Variants in SGCZ observed in about 807,000 individuals in gnomAD.
SGCZ encodes zeta-sarcoglycan.
Under a neutral mutation model 41.3 loss-of-function variants are expected in SGCZ, and 40 were observed. The observed-to-expected ratio is 0.97, with a 90% CI of 0.75 to 1.26. The LOEUF (loss-of-function observed/expected upper bound fraction) is 1.26. Ranked by LOEUF, SGCZ falls within the 50% of genes most tolerant of loss-of-function variation. The pLI is 0.00. For missense variants in SGCZ, 552 were observed against 369.8 expected (o/e 1.49, Z -4.04); for synonymous variants, 206 against 137.5 (o/e 1.50, Z -3.49).
At chr8:14,447,806 G>A (rs1339345789) in intron 2 of SGCZ, among the ~76,000 whole-genome samples, 1 of 152,126 alleles carries the variant, frequency 6.6e-6, no homozygotes. Context: ...AAATGACTTT[G>A]CATTGTTTGA....
chr8:14,981,320 C>A (rs781638515), intron 1 of SGCZ, among the ~76,000 whole-genome samples: 8 of 152,200 alleles, frequency 5.3e-5, no homozygotes, highest in African/African-American at 1.7e-4. Context: ...AAACTGAATA[C>A]GTTGTCTTTT....
intron 4 of SGCZ, among the ~76,000 whole-genome samples, chr8:14,217,787 G>C (rs1014092489): frequency 2.0e-5 from 3 of 151,552 alleles, no homozygotes; most frequent in Non-Finnish European, 4.4e-5. Flanking sequence ...ACACCACCAC[G>C]CCCAGCTAAT....
chr8:14,607,207 T>C (rs185696413), intron 1 of SGCZ, among the ~76,000 whole-genome samples: 4 of 152,276 alleles, frequency 2.6e-5, no homozygotes, highest in Non-Finnish European at 5.9e-5. Flanking sequence ...AACAGACATA[T>C]ACTGAAAATT....
chr8:14,716,242 A>G (rs1193613582), intron 1 of SGCZ, among the ~76,000 whole-genome samples: 1 of 152,118 alleles, frequency 6.6e-6, no homozygotes, highest in Non-Finnish European at 1.5e-5. Flanking sequence ...ACACTTAAAA[A>G]CAGAGATTAA....
chr8:14,936,377 G>A (rs1315927157), intron 1 of SGCZ, among the ~76,000 whole-genome samples: 4 of 151,714 alleles, frequency 2.6e-5, no homozygotes, highest in South Asian at 2.1e-4. Flanking sequence ...CTTTGCTCAC[G>A]GTTAGGCAAA....
At chr8:14,851,368 C>CAAAAAAA (rs369090223) in intron 1 of SGCZ, among the ~76,000 whole-genome samples, 37 of 61,772 alleles carry the variant, frequency 6.0e-4, no homozygotes, top group South Asian at 1.9e-3. Context: ...GACTCCATCT[C>CAAAAAAA]AAAAAAAAAA....
intron 1 of SGCZ, among the ~76,000 whole-genome samples, chr8:15,020,987 G>T (rs1351064582): frequency 6.6e-6 from 1 of 152,166 alleles, no homozygotes; most frequent in Admixed American, 6.5e-5. Context: ...ATCATATCCT[G>T]AAAATTTTGC....
At chr8:14,211,388 C>A (rs1021737022) in intron 4 of SGCZ, among the ~76,000 whole-genome samples, 1 of 152,160 alleles carries the variant, frequency 6.6e-6, no homozygotes, top group Non-Finnish European at 1.5e-5. Context: ...ACCGTCCATA[C>A]TTCTCCACTT....
chr8:14,483,939 T>C (rs927061249), intron 2 of SGCZ, among the ~76,000 whole-genome samples: 56 of 152,298 alleles, frequency 3.7e-4, no homozygotes, highest in African/African-American at 1.3e-3. Context: ...GCTGACTACA[T>C]GGATTAAAGA....
chr8:14,604,208 T>C (rs941229907), intron 1 of SGCZ, among the ~76,000 whole-genome samples: 6 of 152,260 alleles, frequency 3.9e-5, no homozygotes, highest in Admixed American at 2.0e-4. Context: ...AATAGACTTA[T>C]AGAAGAGGCT....
At chr8:14,347,141 A>C (rs2117094352) in intron 2 of SGCZ, among the ~76,000 whole-genome samples, 1 of 152,228 alleles carries the variant, frequency 6.6e-6, no homozygotes, top group African/African-American at 2.4e-5. Flanking sequence ...GTTATGTTAA[A>C]GAAAAAATCT....
At chr8:14,560,003 T>C (rs550630420) in intron 1 of SGCZ, among the ~76,000 whole-genome samples, 1 of 152,172 alleles carries the variant, frequency 6.6e-6, no homozygotes, top group South Asian at 2.1e-4. Context: ...CCTGAGGAAT[T>C]TGGTAGAAAT....
intron 2 of SGCZ, among the ~76,000 whole-genome samples, chr8:14,452,009 C>A (rs1402303520): frequency 4.8e-4 from 73 of 152,294 alleles, no homozygotes; most frequent in Non-Finnish European, 1.5e-4. Flanking sequence ...AAACTTATGC[C>A]TACATAAAAT....
At chr8:14,764,899 TC>T (rs1799994491) in intron 1 of SGCZ, among the ~76,000 whole-genome samples, 1 of 152,214 alleles carries the variant, frequency 6.6e-6, no homozygotes, top group Admixed American at 6.5e-5. Context: ...AATGTTTACA[TC>T]TTACTTTTAA....
intron 4 of SGCZ, among the ~76,000 whole-genome samples, chr8:14,199,607 C>A (rs964591493): frequency 1.3e-5 from 2 of 152,042 alleles, no homozygotes; most frequent in African/African-American, 4.8e-5. Flanking sequence ...ACGGAACCTG[C>A]TGACGTGTGA....
At chr8:15,228,667 T>A (rs937292330) in intron 1 of SGCZ, among the ~76,000 whole-genome samples, 1 of 152,148 alleles carries the variant, frequency 6.6e-6, no homozygotes, top group East Asian at 1.9e-4. Context: ...AAAGGCCAAA[T>A]TTGAGAGCAA....
intron 7 of SGCZ, among the ~76,000 whole-genome samples, chr8:14,093,811 T>C (rs190126823): frequency 3.3e-4 from 51 of 152,260 alleles, no homozygotes; most frequent in African/African-American, 1.2e-3. Context: ...CTAAACACTC[T>C]ATTAAAATAA....
chr8:15,163,723 C>A (rs572187157), intron 1 of SGCZ, among the ~76,000 whole-genome samples: 1 of 152,280 alleles, frequency 6.6e-6, no homozygotes, highest in African/African-American at 2.4e-5. Context: ...TCTTATAACT[C>A]TTAAATATTT....
At chr8:14,217,628 GTTTTTTTT>G (rs1168241820) in intron 4 of SGCZ, among the ~76,000 whole-genome samples, 2 of 100,830 alleles carry the variant, frequency 2.0e-5, no homozygotes, top group Non-Finnish European at 3.8e-5. Context: ...TTCAACTAAA[GTTTTTTTT>G]TTTTTTTTTT....
Sources: gnomAD v4.1 joint callset for allele counts (sites outside exome capture counted in the v4.1 genomes callset) on GRCh38, gnomAD v4.1.1 for gene constraint, MANE v1.5 for transcripts, NCBI Gene and HGNC (gene_info 2026-07-23, HGNC 2026-07-21) for gene names.